The following SLC23A2 variants were observed in gnomAD, a reference collection of about 807,000 sequenced individuals.
SLC23A2 encodes the protein solute carrier family 23 member 2.
Under a neutral mutation model 73.3 loss-of-function variants are expected in SLC23A2, and 36 were observed. The ratio of observed to expected loss-of-function variants is 0.49; its 90% CI spans 0.38 to 0.65. The LOEUF is 0.65. Among genes scored for constraint, SLC23A2 ranks in the 30% least tolerant of loss-of-function variants. SLC23A2 has a pLI of 0.00. For missense variants in SLC23A2, 507 were observed against 841.6 expected, an observed-to-expected ratio of 0.60 and a Z score of 4.92; for synonymous variants, 343 against 327.3, an observed-to-expected ratio of 1.05 and a Z score of -0.52.
intron 6 of SLC23A2, among the ~76,000 whole-genome samples, chr20:4,893,772 C>CA (rs1183304745): frequency 6.6e-6 from 1 of 152,190 alleles, no homozygotes. Flanking sequence ...TGAGAACGGC[C>CA]AGGAGGGCTC....
intron 9 of SLC23A2, among the ~76,000 whole-genome samples, chr20:4,878,262 T>C (rs987075929): frequency 1.3e-5 from 2 of 152,152 alleles, no homozygotes; most frequent in African/African-American, 4.8e-5. Flanking sequence ...TCTCAGCTCA[T>C]TGCAACCTCC....
At position 4,888,387 on chromosome 20, in the gene SLC23A2, C is replaced by A. The variant is rs549311854; in HGVS notation, c.483-2478G>T. Among the ~76,000 whole-genome samples, 9 of 152,328 alleles carry A rather than the reference C, an allele frequency of 5.9e-5. No individual in the cohort carries two copies. The South Asian group carries it at 1.7e-3, about 28-fold the overall frequency. ...AAAAGAAGTTTTTCTGACCTGTCTA[C>A]AGGGAAAATATATCTTAAATATGTG... On this transcript the variant is annotated intron_variant, in intron 6 of 16. Coordinates refer to ENST00000338244, the MANE Select transcript of SLC23A2 (RefSeq NM_005116.6).
At chr20:4,879,389 C>A (rs75893170) in intron 9 of SLC23A2, among the ~76,000 whole-genome samples, 2,397 of 104,544 alleles carry the variant, frequency 0.023, 88 homozygotes, top group African/African-American at 0.091. Flanking sequence ...GCCTGGGCAA[C>A]CAGAGTAAAA....
At chr20:4,937,142 A>G (rs561815903) in intron 2 of SLC23A2, among the ~76,000 whole-genome samples, 1 of 152,304 alleles carries the variant, frequency 6.6e-6, no homozygotes, top group Admixed American at 6.5e-5. Flanking sequence ...CGACAACCCG[A>G]GATCAGAGGG....
At chr20:4,900,612 C>T (rs1931708448) in intron 5 of SLC23A2, among the ~76,000 whole-genome samples, 1 of 152,138 alleles carries the variant, frequency 6.6e-6, no homozygotes, top group Non-Finnish European at 1.5e-5. Flanking sequence ...TGTTTTCTGT[C>T]TTTTTCTGTG....
At chr20:4,966,859 C>T (rs1379361980) in intron 2 of SLC23A2, among the ~76,000 whole-genome samples, 2 of 149,992 alleles carry the variant, frequency 1.3e-5, no homozygotes, top group African/African-American at 4.9e-5. Context: ...CACACACAGG[C>T]ATGGCCATCT....
At chr20:4,922,076 TAGATTATGGTAA>T (rs1932515431) in intron 3 of SLC23A2, among the ~76,000 whole-genome samples, 1 of 152,198 alleles carries the variant, frequency 6.6e-6, no homozygotes, top group Non-Finnish European at 1.5e-5. Context: ...ATTATGGGCT[TAGATTATGGTAA>T]AGAAATCAAT....
intron 3 of SLC23A2, among the ~76,000 whole-genome samples, chr20:4,920,589 T>C (rs1239489350): frequency 6.6e-6 from 1 of 152,186 alleles, no homozygotes; most frequent in Non-Finnish European, 1.5e-5. Flanking sequence ...TTATGGTGTA[T>C]CTATACCATG....
At chr20:4,979,153 C>T (rs1191095615) in intron 1 of SLC23A2, among the ~76,000 whole-genome samples, 8 of 151,588 alleles carry the variant, frequency 5.3e-5, no homozygotes, top group Non-Finnish European at 1.2e-4. Context: ...ATTAGCCAAG[C>T]GTGGTGGCGT....
At chr20:4,875,935 A>T (rs934866165) in intron 9 of SLC23A2, among the ~76,000 whole-genome samples, 4 of 152,172 alleles carry the variant, frequency 2.6e-5, no homozygotes, top group African/African-American at 4.8e-5. Flanking sequence ...CCACTGTCAC[A>T]TTCCTAATGA....
At chr20:5,004,168 A>C (rs993929841), upstream of SLC23A2, among the ~76,000 whole-genome samples, 4 of 152,158 alleles carry the variant, frequency 2.6e-5, no homozygotes, top group Admixed American at 6.6e-5. Context: ...TCCCTTGAAC[A>C]ACCTGCCCTG....
intron 2 of SLC23A2, among the ~76,000 whole-genome samples, chr20:4,969,008 ACT>A (rs1250805553): frequency 6.6e-6 from 1 of 152,034 alleles, no homozygotes; most frequent in Non-Finnish European, 1.5e-5. Flanking sequence ...GGTGTGAGCC[ACT>A]GTGCCCGGCC....
chr20:4,937,479 T>C (rs770366057), intron 2 of SLC23A2, among the ~76,000 whole-genome samples: 2 of 152,196 alleles, frequency 1.3e-5, no homozygotes, highest in Non-Finnish European at 2.9e-5. Context: ...ACTGCAATTT[T>C]CCAGTTGCTA....
At chr20:4,960,515 C>T (rs2087364223) in intron 2 of SLC23A2, among the ~76,000 whole-genome samples, 1 of 152,202 alleles carries the variant, frequency 6.6e-6, no homozygotes, top group African/African-American at 2.4e-5. Context: ...AAATAAAATA[C>T]TGTAGTTAAA....
In SLC23A2 at chr20:4,863,011, T is replaced by C; in HGVS notation, c.1357-104A>G. On this transcript the variant is annotated intron_variant, in intron 13 of 16. Transcript: ENST00000338244. The surrounding 1 kb of genome is among the most constrained non-coding windows in gnomAD (Gnocchi z 4.8). Reference sequence around the variant, plus strand: ...CAGAGATACCCATGGCCTGGCTCGCTACCTTCACCTCCTCCTCAGCCCACT... The same window carrying C: ...CAGAGATACCCATGGCCTGGCTCGCCACCTTCACCTCCTCCTCAGCCCACT... 1 of 1,122,172 alleles carries C rather than the reference T, an allele frequency of 8.9e-7. No homozygotes were observed. The highest frequency in any genetic ancestry group is 1.3e-6 in the Non-Finnish European group (1 of 789,878). 69.5% of individuals were successfully genotyped at this position (1,122,172 alleles called of 1,614,324 possible).
At chr20:4,960,101 G>C (rs1389513576) in intron 2 of SLC23A2, among the ~76,000 whole-genome samples, 1 of 152,114 alleles carries the variant, frequency 6.6e-6, no homozygotes, top group Non-Finnish European at 1.5e-5. Flanking sequence ...GCCTCTAGCG[G>C]CTTTATTTAT....
Position 4,912,988 on chromosome 20 carries a change from C to A in SLC23A2, c.109-10G>T, listed in dbSNP as rs780914689. On this transcript the variant is annotated splice_polypyrimidine_tract_variant and intron_variant, in intron 3 of 16. Transcript: ENST00000338244. ...CTCCATTTATCACCACCTGCAGAGA[C>A]AATCCACTTAGAGGCTGTTTCAGCG... 10 of 1,586,276 alleles carry A rather than the reference C, an allele frequency of 6.3e-6. No individual in the cohort carries two copies. Among genetic ancestry groups the A allele is most frequent in the African/African-American group, 5.4e-5 (4 of 74,346 alleles).
intron 1 of SLC23A2, among the ~76,000 whole-genome samples, chr20:4,985,450 ATTT>A (rs372176082): frequency 1.4e-5 from 2 of 144,426 alleles, no homozygotes; most frequent in African/African-American, 5.1e-5. Flanking sequence ...AAAAAACCAC[ATTT>A]TTTTTTTTTT....
rs1236875517 is a variant in SLC23A2, at chr20:4,899,096, A to G, written c.482+459T>C. Among the ~76,000 whole-genome samples, 3 of 152,168 alleles carry G rather than the reference A, an allele frequency of 2.0e-5. No homozygotes were observed. The highest frequency in any genetic ancestry group is 7.2e-5 in the African/African-American group (3 of 41,440). ...AAATGCTGGGTGCAGCCTGGTGTGT[A>G]AAAAGGGAGGAGAGCTGCAGTGTGG... On this transcript the variant is annotated intron_variant, in intron 6 of 16. Transcript: ENST00000338244. The surrounding 1 kb of genome is among the most constrained non-coding windows in gnomAD (Gnocchi z 4.9).
Sources: gnomAD v4.1 joint callset for allele counts (sites outside exome capture counted in the v4.1 genomes callset) on GRCh38, gnomAD v4.1.1 for gene constraint, Gnocchi (gnomAD v3.1) non-coding constraint, MANE v1.5 for transcripts, NCBI Gene and HGNC (gene_info 2026-07-23, HGNC 2026-07-21) for gene names.